The following IGSF10 variants were observed in gnomAD, a reference collection of about 807,000 sequenced individuals.
The protein encoded by IGSF10 is immunoglobulin superfamily member 10, also known as calvaria mechanical force protein 608.
Under a neutral mutation model 128.2 loss-of-function variants are expected in IGSF10, and 126 were observed. The observed-to-expected ratio is 0.98, with a 90% CI of 0.85 to 1.14. IGSF10 has a LOEUF of 1.14. IGSF10 is among the 50% of genes most tolerant of loss of function. The pLI is 0.00. For missense variants in IGSF10, 3,295 were observed against 3,149.8 expected (o/e 1.05, Z -1.10); for synonymous variants, 1,185 against 1,146.2 (o/e 1.03, Z -0.68).
At chr3:151,618,962 T>C in the IGSF10 span, among the ~76,000 whole-genome samples, 6 of 151,472 alleles carry the variant, frequency 4.0e-5, no homozygotes, top group Non-Finnish European at 5.9e-5. Context: ...AATACAAATA[T>C]TTATGTACAA....
the IGSF10 span, among the ~76,000 whole-genome samples, chr3:151,584,178 A>T: frequency 6.6e-5 from 10 of 152,126 alleles, no homozygotes; most frequent in African/African-American, 2.2e-4. Context: ...TGGTGGATTG[A>T]TCCTTTTATT....
At chr3:151,536,981 A>G in the IGSF10 span, among the ~76,000 whole-genome samples, 6 of 152,208 alleles carry the variant, frequency 3.9e-5, no homozygotes, top group Non-Finnish European at 7.3e-5. Context: ...AGCAGGCCCA[A>G]TAAGAGTGAG....
chr3:151,610,941 T>C, the IGSF10 span, among the ~76,000 whole-genome samples: 11 of 152,154 alleles, frequency 7.2e-5, no homozygotes, highest in Admixed American at 1.3e-4. Flanking sequence ...ACAAGGACAA[T>C]TAAACTTCAG....
Position 151,443,649 on chromosome 3 carries a change from C to A in IGSF10, c.5298G>T (p.Lys1766Asn). 6.2e-7 allele frequency: 1 copy of A among 1,614,234 alleles called. No individual in the cohort carries two copies. Among genetic ancestry groups the A allele is most frequent in the Non-Finnish European group, 8.5e-7 (1 of 1,180,042 alleles). ...GGCTTGGCCTACCTTCTGCTCTGCA[C>A]TTCAGTTCCACAGTGCTTCCGGAAT... Reference protein sequence around the residue: ...TVHSGSTVELKCRAEGRPSPT... With the variant: ...TVHSGSTVELNCRAEGRPSPT... The change falls in exon 7 of 8, where the codon AAG becomes AAT. Residue 1766 changes from lysine to asparagine, a missense_variant. Physicochemically the swap from Lys to Asn is moderately conservative, Grantham distance 94. Transcript: ENST00000282466.
chr3:151,506,364 C>A, the IGSF10 span, among the ~76,000 whole-genome samples: 3,128 of 152,146 alleles, frequency 0.021, 107 homozygotes, highest in African/African-American at 0.071. Flanking sequence ...GTAATTTTAG[C>A]TAAAAAACAG....
At chr3:151,568,350 C>T in the IGSF10 span, among the ~76,000 whole-genome samples, 1 of 152,104 alleles carries the variant, frequency 6.6e-6, no homozygotes, top group Non-Finnish European at 1.5e-5. Context: ...AAACCAAAAT[C>T]CTTTTATTAT....
chr3:151,514,531 C>A, the IGSF10 span, among the ~76,000 whole-genome samples: 5 of 152,270 alleles, frequency 3.3e-5, no homozygotes, highest in East Asian at 9.6e-4. Flanking sequence ...AAAACCTAGG[C>A]AATACCATTC....
At chr3:151,566,811 C>A in the IGSF10 span, among the ~76,000 whole-genome samples, 1 of 152,206 alleles carries the variant, frequency 6.6e-6, no homozygotes, top group Non-Finnish European at 1.5e-5. Context: ...TTAGCAATTT[C>A]TTCAATGTCA....
At chr3:151,577,702 T>C in the IGSF10 span, among the ~76,000 whole-genome samples, 1 of 152,134 alleles carries the variant, frequency 6.6e-6, no homozygotes, top group Non-Finnish European at 1.5e-5. Flanking sequence ...CGTAACTCTT[T>C]CTTTTTTTTT....
At chr3:151,442,664 C>T (rs1253721195) in intron 7 of IGSF10, among the ~76,000 whole-genome samples, 1 of 151,288 alleles carries the variant, frequency 6.6e-6, no homozygotes, top group Admixed American at 6.6e-5. Context: ...GCTAGGATTA[C>T]AGGCGTGAGC....
chr3:151,509,141 C>A, the IGSF10 span, among the ~76,000 whole-genome samples: 1 of 152,176 alleles, frequency 6.6e-6, no homozygotes, highest in Non-Finnish European at 1.5e-5. Flanking sequence ...ACTTTAGAAT[C>A]ACATCATTTG....
chr3:151,486,068 A>G, the IGSF10 span, among the ~76,000 whole-genome samples: 2 of 152,190 alleles, frequency 1.3e-5, no homozygotes, highest in Non-Finnish European at 2.9e-5. Flanking sequence ...CTCACGTGCA[A>G]AGACTCACAC....
chr3:151,506,564 T>A, the IGSF10 span, among the ~76,000 whole-genome samples: 1 of 152,224 alleles, frequency 6.6e-6, no homozygotes, highest in African/African-American at 2.4e-5. Flanking sequence ...TACTTTTGTT[T>A]AAGGTGCTTT....
rs866160826 is a variant in IGSF10, at chr3:151,443,519, G to A, written c.5428C>T (p.Leu1810Phe). ...TVDGTLVLHN[L>F]SIYDRGFYKC... ...TAAAAGCCACGGTCATAAATACTGA[G>A]ATTGTGGAGGACCAATGTTCCGTCA... The change falls in exon 7 of 8, where the codon CTC (leucine) becomes TTC (phenylalanine). Residue 1810 changes from leucine to phenylalanine, a missense_variant. Coordinates refer to ENST00000282466, the MANE Select transcript of IGSF10 (RefSeq NM_178822.5). 2 of 1,614,238 alleles carry A rather than the reference G, an allele frequency of 1.2e-6. No homozygotes were observed. Among genetic ancestry groups the A allele is most frequent in the East Asian group, 2.2e-5 (1 of 44,888 alleles).
At chr3:151,495,800 G>A in the IGSF10 span, among the ~76,000 whole-genome samples, 1 of 152,022 alleles carries the variant, frequency 6.6e-6, no homozygotes, top group African/African-American at 2.4e-5. Flanking sequence ...TATTTTTCCT[G>A]AAACTGGTGA....
chr3:151,520,276 G>C, the IGSF10 span, among the ~76,000 whole-genome samples: 2 of 151,798 alleles, frequency 1.3e-5, no homozygotes, highest in Non-Finnish European at 2.9e-5. Context: ...GGTCATAACT[G>C]TTAACCTACC....
chr3:151,542,296 C>T, the IGSF10 span, among the ~76,000 whole-genome samples: 2 of 152,038 alleles, frequency 1.3e-5, no homozygotes, highest in African/African-American at 4.8e-5. Context: ...ATATAAGACA[C>T]ATATAGTAAT....
chr3:151,435,893 C>G (rs1457426419), downstream of IGSF10: 1 of 152,120 alleles, frequency 6.6e-6, no homozygotes, highest in Non-Finnish European at 1.5e-5. Context: ...AAATGAAATG[C>G]TTATAGAGCA....
chr3:151,582,294 G>GGT, the IGSF10 span, among the ~76,000 whole-genome samples: 4 of 114,368 alleles, frequency 3.5e-5, no homozygotes, highest in Admixed American at 9.1e-5. Flanking sequence ...AAAATATCCG[G>GGT]GGGGGGGGGC....
Sources: gnomAD v4.1 joint callset for allele counts (sites outside exome capture counted in the v4.1 genomes callset) on GRCh38, gnomAD v4.1.1 for gene constraint, MANE v1.5 for transcripts, NCBI Gene and HGNC (gene_info 2026-07-23, HGNC 2026-07-21) for gene names.